WWOX: variants seen among roughly 807,000 people sequenced by gnomAD.
The protein encoded by WWOX is WW domain containing oxidoreductase.
A neutral mutation model predicts 46.2 loss-of-function variants in WWOX; 69 were observed. The observed-to-expected ratio is 1.49, with a 90% CI of 1.23 to 1.82. WWOX has a LOEUF of 1.82. WWOX is among the 40% of genes most tolerant of loss of function. WWOX has a pLI of 0.00. For synonymous variants in WWOX, 359 were observed against 202.6 expected (o/e 1.77, Z -6.56); for missense variants, 919 against 542.6 (o/e 1.69, Z -6.89).
chr16:78,474,636 A>G (rs771574224), intron 8 of WWOX, among the ~76,000 whole-genome samples: 37 of 151,786 alleles, frequency 2.4e-4, no homozygotes, highest in African/African-American at 7.5e-4. Context: ...GTACAATTCA[A>G]TGGCTCAGTC....
At chr16:78,900,900 C>T (rs963744187) in intron 8 of WWOX, among the ~76,000 whole-genome samples, 1 of 149,968 alleles carries the variant, frequency 6.7e-6, no homozygotes, top group Non-Finnish European at 1.5e-5. Flanking sequence ...GGCTACAATA[C>T]AGATTCATCC....
chr16:78,672,314 T>C (rs2047484310), intron 8 of WWOX, among the ~76,000 whole-genome samples: 1 of 152,134 alleles, frequency 6.6e-6, no homozygotes, highest in Non-Finnish European at 1.5e-5. Flanking sequence ...ATCATGAAAA[T>C]ACAGCTCTCA....
At chr16:78,624,456 T>C (rs2046263519) in intron 8 of WWOX, among the ~76,000 whole-genome samples, 1 of 152,228 alleles carries the variant, frequency 6.6e-6, no homozygotes, top group African/African-American at 2.4e-5. Context: ...CTGACTCATA[T>C]CTTATTTCCC....
At chr16:78,422,678 TATATATACAC>T (rs1186685264) in intron 6 of WWOX, among the ~76,000 whole-genome samples, 4 of 77,642 alleles carry the variant, frequency 5.2e-5, no homozygotes, top group African/African-American at 2.0e-4. Flanking sequence ...TATATATATA[TATATATACAC>T]ACACACACAC....
chr16:78,332,685 C>G (rs2080788833), intron 5 of WWOX, among the ~76,000 whole-genome samples: 2 of 152,024 alleles, frequency 1.3e-5, no homozygotes, highest in African/African-American at 4.8e-5. Context: ...TGAGAGTTGC[C>G]CAAATTAGTG....
At chr16:78,317,348 C>G (rs1448949867) in intron 5 of WWOX, among the ~76,000 whole-genome samples, 2 of 152,020 alleles carry the variant, frequency 1.3e-5, no homozygotes, top group African/African-American at 4.8e-5. Context: ...TGTTTCTTCC[C>G]CAGGGGTGAT....
chr16:78,827,683 A>T (rs905675712), intron 8 of WWOX, among the ~76,000 whole-genome samples: 7 of 151,382 alleles, frequency 4.6e-5, no homozygotes, highest in African/African-American at 1.5e-4. Context: ...AAATAAAAAA[A>T]AAAAAAAATT....
intron 8 of WWOX, among the ~76,000 whole-genome samples, chr16:78,660,167 C>T (rs2047178571): frequency 6.6e-6 from 1 of 152,130 alleles, no homozygotes; most frequent in East Asian, 1.9e-4. Flanking sequence ...GTGGACTGTG[C>T]TGCTTTTTTT....
chr16:78,897,240 TAAAAAAAAAAAA>T (rs60048933), intron 8 of WWOX: 1 of 53,722 alleles, frequency 1.9e-5, no homozygotes, highest in East Asian at 8.1e-4. Flanking sequence ...AGACTGTCTT[TAAAAAAAAAAAA>T]AAAAAAAAAA....
intron 4 of WWOX, among the ~76,000 whole-genome samples, chr16:78,144,523 A>ATATATATATATTTT (rs1198739687): frequency 2.1e-4 from 4 of 18,634 alleles, no homozygotes; most frequent in African/African-American, 1.1e-3. Flanking sequence ...ATATATATAT[A>ATATATATATATTTT]TTTTTTTTTT....
At chr16:78,317,411 C>T (rs1280393932) in intron 5 of WWOX, among the ~76,000 whole-genome samples, 3 of 152,158 alleles carry the variant, frequency 2.0e-5, no homozygotes, top group Non-Finnish European at 4.4e-5. Context: ...CAGATAGATG[C>T]TGTCAATCAT....
intron 8 of WWOX, among the ~76,000 whole-genome samples, chr16:78,741,258 C>G (rs1332349279): frequency 1.3e-5 from 2 of 152,130 alleles, no homozygotes; most frequent in Non-Finnish European, 2.9e-5. Flanking sequence ...CCATGTTTAG[C>G]AAATAAAATT....
chr16:78,642,519 C>G (rs1030365955), intron 8 of WWOX, among the ~76,000 whole-genome samples: 4 of 152,176 alleles, frequency 2.6e-5, no homozygotes, highest in African/African-American at 9.7e-5. Flanking sequence ...CCTAGGTCCA[C>G]AGTCCTCAGT....
intron 6 of WWOX, among the ~76,000 whole-genome samples, chr16:78,394,125 T>A (rs906778203): frequency 2.0e-5 from 3 of 152,204 alleles, no homozygotes; most frequent in African/African-American, 7.2e-5. Context: ...AAATTACATA[T>A]TAATCTTTCT....
rs551625385 is a variant in WWOX, at chr16:78,637,666, C to G, written c.1056+204914C>G. 5.3e-5 allele frequency among the ~76,000 whole-genome samples: 8 copies of G among 152,306 alleles called. No individual in the cohort carries two copies. In the East Asian group the frequency reaches 1.4e-3, roughly 26 times the overall value. On this transcript the variant is annotated intron_variant, in intron 8 of 8. Transcript: ENST00000566780. ...GCTGGAGACGTTGTTTTCCTGTATG[C>G]TCCTTGATGAAGGGCTCAGAGCTAA...
intron 5 of WWOX, among the ~76,000 whole-genome samples, chr16:78,200,240 C>T (rs1241212784): frequency 2.0e-5 from 3 of 151,952 alleles, no homozygotes; most frequent in African/African-American, 7.3e-5. Context: ...TTAAAAATTC[C>T]TCGCCCGACT....
chr16:78,815,895 C>T (rs1184239592), intron 8 of WWOX, among the ~76,000 whole-genome samples: 1 of 152,064 alleles, frequency 6.6e-6, no homozygotes, highest in Non-Finnish European at 1.5e-5. Flanking sequence ...AAGATATATA[C>T]AGGGCTCAGA....
At chr16:79,150,569 C>G (rs1369278235) in intron 8 of WWOX, among the ~76,000 whole-genome samples, 2 of 152,106 alleles carry the variant, frequency 1.3e-5, no homozygotes, top group African/African-American at 4.8e-5. Context: ...CTGAATGTTG[C>G]CACGTGGAAA....
chr16:78,394,894 C>T (rs1399353888), intron 6 of WWOX, among the ~76,000 whole-genome samples: 1 of 152,190 alleles, frequency 6.6e-6, no homozygotes, highest in Non-Finnish European at 1.5e-5. Context: ...TCCAGCTCTA[C>T]CACTTACTGG....
Sources: allele counts gnomAD v4.1 joint callset (sites outside exome capture counted in the v4.1 genomes callset), GRCh38; gene constraint gnomAD v4.1.1; transcripts MANE v1.5; gene names NCBI Gene and HGNC (gene_info 2026-07-23, HGNC 2026-07-21).